ELMO2: variants seen among roughly 807,000 people sequenced by gnomAD.
ELMO2 encodes the protein engulfment and cell motility 2.
ELMO2 carries 37 observed loss-of-function variants against 96.2 expected under a neutral mutation model. The observed-to-expected ratio is 0.38, with a 90% confidence interval of 0.30 to 0.51. ELMO2 has a LOEUF of 0.51. Ranked by LOEUF, ELMO2 falls within the 20% of genes least tolerant of loss-of-function variation. The pLI is 0.88. For synonymous variants in ELMO2, 315 were observed against 329.4 expected (o/e 0.96, Z 0.47); for missense variants, 561 against 912.6 (o/e 0.61, Z 4.96).
intron 11 of ELMO2, among the ~76,000 whole-genome samples, chr20:46,378,042 C>A (rs2059895657): frequency 6.6e-6 from 1 of 152,328 alleles, no homozygotes; most frequent in South Asian, 2.1e-4. Flanking sequence ...ATTTATAAAA[C>A]AGCTTTGAAT....
chr20:46,369,373 C>A, intron 20 of ELMO2: 1 of 167,904 alleles, frequency 6.0e-6, no homozygotes, highest in Non-Finnish European at 1.3e-5. Flanking sequence ...CACACACACA[C>A]AAAATTGGTC....
At chr20:46,394,824 T>C (rs2060216482) in intron 2 of ELMO2, among the ~76,000 whole-genome samples, 1 of 152,228 alleles carries the variant, frequency 6.6e-6, no homozygotes. Context: ...TAGAGGAATG[T>C]ATTTACTGCA....
At position 46,384,127 on chromosome 20, in the gene ELMO2, A is replaced by T. The variant is rs1296075115; in HGVS notation, c.678-633T>A. ...TCCCGATTTTGTTAAAAATATGCATAAAAATACTGAAGGGACATTCAATTT... is the reference window on the plus strand; with the variant it reads ...TCCCGATTTTGTTAAAAATATGCATTAAAATACTGAAGGGACATTCAATTT... On this transcript the variant is annotated intron_variant, in intron 9 of 21. Coordinates refer to ENST00000290246, the MANE Select transcript of ELMO2 (RefSeq NM_133171.5). Among the ~76,000 whole-genome samples the T allele has an allele frequency of 2.0e-5, 3 of 152,248 alleles. No individual in the cohort carries two copies. In the East Asian group the frequency reaches 5.8e-4, roughly 29 times the overall value.
At chr20:46,379,603 C>G (rs2059920542) in intron 11 of ELMO2, among the ~76,000 whole-genome samples, 1 of 152,168 alleles carries the variant, frequency 6.6e-6, no homozygotes, top group Non-Finnish European at 1.5e-5. Context: ...GCCTCCTCAT[C>G]TACTTGCTCC....
Position 46,401,736 on chromosome 20 carries a change from C to T in ELMO2, c.-125-2965G>A, listed in dbSNP as rs143761511. Among the ~76,000 whole-genome samples, 35 of 152,258 alleles carry T rather than the reference C, an allele frequency of 2.3e-4. No homozygotes were observed. The East Asian group carries it at 5.4e-3, about 24-fold the overall frequency. ...ATGCTCTTCTGAGTCTGTATGTTTG[C>T]TTGTGCTATTATTTCCTCTTCCTTG... is the stretch of plus-strand genomic sequence containing the variant. On this transcript the variant is annotated intron_variant, in intron 1 of 21. Transcript: ENST00000290246.
intron 1 of ELMO2, among the ~76,000 whole-genome samples, chr20:46,399,351 A>T (rs891403887): frequency 6.6e-6 from 1 of 152,198 alleles, no homozygotes; most frequent in Non-Finnish European, 1.5e-5. Flanking sequence ...GCCATCCTGG[A>T]CTACGGGCTA....
At position 46,393,359 on chromosome 20, in the gene ELMO2, A is replaced by G. The variant is rs559429486; in HGVS notation, c.192+170T>C. ...CAGGAAGTAAAAGCCACCTTTTTCT[A>G]GCCACTAGGGAAGAACAAGGGCTGG... On this transcript the variant is annotated intron_variant, in intron 5 of 21. Coordinates refer to ENST00000290246, the MANE Select transcript of ELMO2 (RefSeq NM_133171.5). 2.6e-5 allele frequency among the ~76,000 whole-genome samples: 4 copies of G among 152,316 alleles called. No individual in the cohort carries two copies. In the East Asian group the frequency reaches 5.8e-4, roughly 22 times the overall value.
In ELMO2 at chr20:46,371,230, G is replaced by GA; in HGVS notation, c.1801+121dup. The GA allele has an allele frequency of 1.0e-6, 1 of 961,438 alleles. No homozygotes were observed. The highest frequency in any genetic ancestry group is 2.5e-5 in the East Asian group (1 of 40,080). 59.6% of individuals were successfully genotyped at this position (961,438 alleles called of 1,614,324 possible). ...GTAGAGGAAATCGCTGACAGATAAG[G>GA]AAACAGGTCCAGAGAGGTAACAGGT... On this transcript the variant is annotated intron_variant, in intron 19 of 21. Coordinates refer to ENST00000290246, the MANE Select transcript of ELMO2 (RefSeq NM_133171.5). The surrounding 1 kb of genome is among the most constrained non-coding windows in gnomAD (Gnocchi z 5.9).
At position 46,375,728 on chromosome 20, in the gene ELMO2, T is replaced by C; in HGVS notation, c.870A>G (p.Gln290=). Residue 290 remains glutamine (Q), a synonymous_variant, in exon 12 of 22, where the codon CAA becomes CAG. Transcript: ENST00000290246. The surrounding 1 kb of genome is among the most constrained non-coding windows in gnomAD (Gnocchi z 4.6). The part of the protein sequence containing the change: ...TEMAHQLYVL[Q]VLTFNLLEER... The stretch of plus-strand genomic sequence containing the variant: ...CTTCCAGAAGGTTAAAGGTTAGGAC[T>C]TGAAGGACATATAGCTGATGGGCCA... 1 of 1,614,208 alleles carries C rather than the reference T, an allele frequency of 6.2e-7. No homozygotes were observed. The highest frequency in any genetic ancestry group is 1.3e-5 in the African/African-American group (1 of 75,074).
In ELMO2 at chr20:46,383,483, T is replaced by C; in HGVS notation, c.689A>G (p.Glu230Gly). 6.2e-7 allele frequency: 1 copy of C among 1,614,126 alleles called. No individual in the cohort carries two copies. Among genetic ancestry groups the C allele is most frequent in the Non-Finnish European group, 8.5e-7 (1 of 1,179,960 alleles). ...LISHLQVSNQ[E>G]IQTYAIALIN... ...CAGTGCAATGGCGTAGGTCTGAATC[T>C]CCTGGTTGGAGCTGTGTCAATGGAG... The change falls in exon 10 of 22, where the codon GAG (glutamate) becomes GGG (glycine). Residue 230 changes from glutamate (E) to glycine (G), a missense_variant. By Grantham distance (98) the Glu-to-Gly change is moderately conservative. Coordinates refer to ENST00000290246, the MANE Select transcript of ELMO2 (RefSeq NM_133171.5).
At chr20:46,384,875 G>T (rs2060014763) in intron 9 of ELMO2, among the ~76,000 whole-genome samples, 1 of 152,064 alleles carries the variant, frequency 6.6e-6, no homozygotes, top group East Asian at 1.9e-4. Context: ...GCTGAGATGG[G>T]GAGGATCGCT....
At position 46,389,113 on chromosome 20, in the gene ELMO2, A is replaced by G. The variant is rs576996117; in HGVS notation, c.351T>C (p.Ala117=). The G allele has an allele frequency of 1.2e-6, 2 of 1,614,222 alleles. No individual in the cohort carries two copies. Among genetic ancestry groups the G allele is most frequent in the Admixed American group, 3.3e-5 (2 of 60,034 alleles). The change falls in exon 7 of 22, where the codon GCT becomes GCC. Residue 117 remains alanine (A), a synonymous_variant. Transcript: ENST00000290246. ...TGCCATCCATGTTGATGAACTCAGTAGCGAAAGTCACGTCGGCAGAGAGCT... is the reference window on the plus strand; with the variant it reads ...TGCCATCCATGTTGATGAACTCAGTGGCGAAAGTCACGTCGGCAGAGAGCT... The part of the protein sequence containing the change: ...LAKLSADVTF[A]TEFINMDGII...
At chr20:46,391,548 C>T (rs1432098372) in intron 6 of ELMO2, among the ~76,000 whole-genome samples, 1 of 152,188 alleles carries the variant, frequency 6.6e-6, no homozygotes, top group African/African-American at 2.4e-5. Context: ...TTTCTGGCTG[C>T]CCTTCTACAA....
chr20:46,392,450 C>T (rs2060166915), intron 6 of ELMO2, among the ~76,000 whole-genome samples: 1 of 152,248 alleles, frequency 6.6e-6, no homozygotes, highest in Admixed American at 6.5e-5. Flanking sequence ...CTACTACCAC[C>T]AACCTTCTTC....
Position 46,388,404 on chromosome 20 carries a change from G to C in ELMO2, c.425+635C>G, listed in dbSNP as rs77408917. On this transcript the variant is annotated intron_variant, in intron 7 of 21. Coordinates refer to ENST00000290246, the MANE Select transcript of ELMO2 (RefSeq NM_133171.5). ...TCTGACTCCCTCTTTGGCAGGTTAG[G>C]CTCCAAGCACCTGTTTACTGACTGC... 9.6e-3 allele frequency among the ~76,000 whole-genome samples: 1,458 copies of C among 152,290 alleles called. 24 individuals are homozygous for C. The highest frequency in any genetic ancestry group is 0.033 in the African/African-American group (1,387 of 41,546).
intron 6 of ELMO2, among the ~76,000 whole-genome samples, chr20:46,390,078 A>G (rs1233414802): frequency 2.6e-5 from 4 of 152,082 alleles, no homozygotes; most frequent in African/African-American, 9.7e-5. Context: ...GCTTGAACCC[A>G]GGAGGTGGAG....
At chr20:46,398,469 C>T (rs1378090565) in intron 2 of ELMO2, among the ~76,000 whole-genome samples, 8 of 152,116 alleles carry the variant, frequency 5.3e-5, no homozygotes, top group Admixed American at 2.6e-4. Flanking sequence ...CTCACCACCA[C>T]GCCCAGCTAA....
Position 46,375,693 on chromosome 20 carries a change from A to G in ELMO2, c.905T>C (p.Met302Thr), listed in dbSNP as rs779210691. 3 of 1,614,172 alleles carry G rather than the reference A, an allele frequency of 1.9e-6. No homozygotes were observed. Among genetic ancestry groups the G allele is most frequent in the Non-Finnish European group, 2.5e-6 (3 of 1,179,980 alleles). ...CTGGTCATTGGGGTCCATCTTGGTC[A>G]TCATCCTTTCTTCCAGAAGGTTAAA... ...LTFNLLEERM[M>T]TKMDPNDQAQ... Residue 302 changes from methionine to threonine, a missense_variant, in exon 12 of 22, where the codon ATG becomes ACG. Transcript: ENST00000290246. The surrounding 1 kb of genome is among the most constrained non-coding windows in gnomAD (Gnocchi z 4.6).
chr20:46,374,566 C>G lies in ELMO2; in HGVS notation c.1140G>C (p.Leu380Phe), dbSNP rs1367660033. ...TGTAGGTGTCCTGGTGGACTTTAGC[C>G]AAGTACAGCATGTTGTCCAAGGCCA... ...GMLALDNMLY[L>F]AKVHQDTYIR... The change falls in exon 14 of 22, where the codon TTG becomes TTC. Residue 380 changes from leucine (L) to phenylalanine (F), a missense_variant. Coordinates refer to ENST00000290246, the MANE Select transcript of ELMO2 (RefSeq NM_133171.5). 1 of 1,614,130 alleles carries G rather than the reference C, an allele frequency of 6.2e-7. No homozygotes were observed. The highest frequency in any genetic ancestry group is 1.1e-5 in the South Asian group (1 of 91,078).
Sources: gnomAD v4.1 joint callset for allele counts (sites outside exome capture counted in the v4.1 genomes callset) on GRCh38, gnomAD v4.1.1 for gene constraint, Gnocchi (gnomAD v3.1) non-coding constraint, MANE v1.5 for transcripts, NCBI Gene and HGNC (gene_info 2026-07-23, HGNC 2026-07-21) for gene names.